Variants in IL20RB observed in about 807,000 individuals in gnomAD.
IL20RB encodes the protein interleukin-20 receptor subunit beta.
In IL20RB, 21 loss-of-function variants were observed where a neutral mutation model predicts 33.3. That is an observed-to-expected ratio of 0.63 (90% confidence interval 0.45 to 0.91). The LOEUF is 0.91. Ranked by LOEUF, IL20RB falls within the 40% of genes least tolerant of loss-of-function variation. IL20RB has a pLI of 0.00. For synonymous variants in IL20RB, 147 were observed against 146.8 expected (o/e 1.00, Z -0.01); for missense variants, 345 against 384.8 (o/e 0.90, Z 0.86).
At chr3:136,984,880 G>T (rs963483253) in intron 3 of IL20RB, among the ~76,000 whole-genome samples, 1 of 152,130 alleles carries the variant, frequency 6.6e-6, no homozygotes, top group African/African-American at 2.4e-5. Flanking sequence ...GCCCTGTAGG[G>T]CACTGCAAAA....
At chr3:136,991,158 A>C (rs1428364341) in intron 4 of IL20RB, among the ~76,000 whole-genome samples, 1 of 152,172 alleles carries the variant, frequency 6.6e-6, no homozygotes, top group African/African-American at 2.4e-5. Flanking sequence ...CCGTGGCTCC[A>C]CTGCACACTG....
intron 6 of IL20RB, among the ~76,000 whole-genome samples, chr3:137,003,222 CT>C (rs1942281610): frequency 6.6e-6 from 1 of 152,120 alleles, no homozygotes; most frequent in Non-Finnish European, 1.5e-5. Flanking sequence ...CAGCTTTGTT[CT>C]TTTGGCTTAG....
intron 6 of IL20RB, among the ~76,000 whole-genome samples, chr3:136,999,811 T>C (rs1247984887): frequency 1.3e-5 from 2 of 152,216 alleles, no homozygotes; most frequent in African/African-American, 4.8e-5. Flanking sequence ...GATATTGTGT[T>C]TTTAAATTCT....
chr3:137,005,711 T>C (rs893470467), intron 6 of IL20RB, among the ~76,000 whole-genome samples: 1 of 152,248 alleles, frequency 6.6e-6, no homozygotes, highest in East Asian at 1.9e-4. Context: ...GGGTCTTGAC[T>C]CTATCCAATT....
chr3:136,999,417 T>C (rs1362346648), intron 6 of IL20RB, among the ~76,000 whole-genome samples: 1 of 152,166 alleles, frequency 6.6e-6, no homozygotes, highest in Non-Finnish European at 1.5e-5. Flanking sequence ...TTTTATTTTT[T>C]TGTAGTGATG....
chr3:136,976,095 G>C (rs112241836), intron 1 of IL20RB, among the ~76,000 whole-genome samples: 71 of 152,362 alleles, frequency 4.7e-4, no homozygotes, highest in African/African-American at 1.5e-3. Context: ...GTAGGTGCCA[G>C]TTGAGGTGAT....
chr3:136,986,390 AGATTATT>A (rs1941899600), intron 3 of IL20RB, among the ~76,000 whole-genome samples: 1 of 152,192 alleles, frequency 6.6e-6, no homozygotes, highest in Admixed American at 6.5e-5. Context: ...CTGAAACTTC[AGATTATT>A]TTCTCTAATT....
intron 1 of IL20RB, among the ~76,000 whole-genome samples, chr3:136,966,093 T>C (rs1218101129): frequency 7.4e-6 from 1 of 134,250 alleles, no homozygotes; most frequent in Non-Finnish European, 1.6e-5. Context: ...CTGGATTCGG[T>C]TTGCCAGTAT....
At chr3:136,992,931 A>C (rs933809109) in intron 5 of IL20RB, among the ~76,000 whole-genome samples, 16 of 152,312 alleles carry the variant, frequency 1.1e-4, no homozygotes, top group African/African-American at 3.8e-4. Flanking sequence ...TATAACATAC[A>C]CATTTTGTGC....
At chr3:137,007,314 C>T (rs909550305) in intron 6 of IL20RB, among the ~76,000 whole-genome samples, 2 of 152,134 alleles carry the variant, frequency 1.3e-5, no homozygotes, top group Non-Finnish European at 2.9e-5. Flanking sequence ...AACCACTGCT[C>T]TCTTCAGAGC....
chr3:137,008,980 T>G (rs914172885), intron 6 of IL20RB, among the ~76,000 whole-genome samples: 3 of 152,240 alleles, frequency 2.0e-5, no homozygotes, highest in African/African-American at 4.8e-5. Context: ...AGGGAGTTAG[T>G]GTCCTGAGAA....
chr3:136,989,883 T>C (rs902671420), intron 4 of IL20RB, among the ~76,000 whole-genome samples: 1 of 152,072 alleles, frequency 6.6e-6, no homozygotes, highest in Non-Finnish European at 1.5e-5. Flanking sequence ...CCTCATCAGC[T>C]CATCTCCTCA....
intron 1 of IL20RB, among the ~76,000 whole-genome samples, chr3:136,959,715 T>C (rs1028445470): frequency 7.2e-5 from 11 of 152,198 alleles, no homozygotes; most frequent in South Asian, 2.1e-4. Flanking sequence ...TAAACTTACA[T>C]AGAAAACACA....
At chr3:137,006,915 C>A (rs1942361236) in intron 6 of IL20RB, among the ~76,000 whole-genome samples, 1 of 152,192 alleles carries the variant, frequency 6.6e-6, no homozygotes, top group African/African-American at 2.4e-5. Flanking sequence ...GTTATATGTA[C>A]CTTTCGTCTT....
chr3:136,962,750 C>CA lies in IL20RB; in HGVS notation c.88+4559dup, dbSNP rs1165650808. Among the ~76,000 whole-genome samples the CA allele has an allele frequency of 6.9e-3, 561 of 81,874 alleles. 4 individuals carry two copies. Among genetic ancestry groups the CA allele is most frequent in the East Asian group, 0.015 (30 of 1,986 alleles). 53.7% of individuals were successfully genotyped at this position (81,874 alleles called of 152,430 possible). On this transcript the variant is annotated intron_variant, in intron 1 of 6. Coordinates refer to ENST00000329582, the MANE Select transcript of IL20RB (RefSeq NM_144717.4). ...CTGGCAACAGAGCAAGACTCCATCTCAAAAAAAAAACAAAAAACTCAAGGT... is the reference window on the plus strand; with the variant it reads ...CTGGCAACAGAGCAAGACTCCATCTCAAAAAAAAAAACAAAAAACTCAAGGT...
At chr3:136,982,077 TGAAC>T in intron 2 of IL20RB, 79 bp from the exon 3 acceptor site, 1 of 996,680 alleles carries the variant, frequency 1.0e-6, no homozygotes, top group East Asian at 2.6e-5. Context: ...ACAAAGTAGG[TGAAC>T]GAAGTCAGTT....
At chr3:137,005,652 A>G (rs1049642501) in intron 6 of IL20RB, among the ~76,000 whole-genome samples, 3 of 151,922 alleles carry the variant, frequency 2.0e-5, no homozygotes, top group South Asian at 2.1e-4. Context: ...TTTTGAGCCT[A>G]TGTGCATCTT....
At chr3:136,997,820 C>G (rs1942160903) in intron 6 of IL20RB, among the ~76,000 whole-genome samples, 1 of 151,880 alleles carries the variant, frequency 6.6e-6, no homozygotes, top group Non-Finnish European at 1.5e-5. Flanking sequence ...GTCACCCAGG[C>G]TGGAGTACAG....
At chr3:137,004,020 GGT>G (rs1351367539) in intron 6 of IL20RB, among the ~76,000 whole-genome samples, 3 of 152,052 alleles carry the variant, frequency 2.0e-5, no homozygotes, top group African/African-American at 7.2e-5. Flanking sequence ...TTGAGATAAT[GGT>G]GTGGTTTTTG....
Sources: gnomAD v4.1 joint callset for allele counts (sites outside exome capture counted in the v4.1 genomes callset) on GRCh38, gnomAD v4.1.1 for gene constraint, MANE v1.5 for transcripts, NCBI Gene and HGNC (gene_info 2026-07-23, HGNC 2026-07-21) for gene names.